The following KCNA10 variants were observed in gnomAD, a reference collection of about 807,000 sequenced individuals.
KCNA10 encodes the protein cyclic GMP gated potassium channel.
Under a neutral mutation model 21.4 loss-of-function variants are expected in KCNA10, and 16 were observed. The observed-to-expected ratio is 0.75, with a 90% confidence interval of 0.51 to 1.14. The LOEUF (loss-of-function observed/expected upper bound fraction) is 1.14. KCNA10 is among the 50% of genes most tolerant of loss of function. The pLI is 0.00. For synonymous variants in KCNA10, 276 were observed against 245.9 expected, an observed-to-expected ratio of 1.12 and a Z score of -1.15; for missense variants, 677 against 649.1, an observed-to-expected ratio of 1.04 and a Z score of -0.47.
rs1365250697 is a variant in KCNA10 at position 110,518,457 on chromosome 1, G to A, written c.331C>T (p.Leu111Phe). Residue 111 changes from leucine to phenylalanine, a missense_variant, in exon 1 of 1, where the codon CTC (leucine) becomes TTC (phenylalanine). By Grantham distance (22) the Leu-to-Phe change is conservative. Coordinates refer to ENST00000369771, the MANE Select transcript of KCNA10 (RefSeq NM_005549.2). ...ATCCTTTTTTCCCGGTCTCCCAGGA[G>A]AGTCTCTGGGAACTGACTAAGGGTT... ...LRTLSQFPET[L>F]LGDREKRMQF... The A allele has an allele frequency of 6.2e-7, 1 of 1,614,052 alleles. No homozygotes were observed. Among genetic ancestry groups the A allele is most frequent in the Non-Finnish European group, 8.5e-7 (1 of 1,180,012 alleles).
rs749970355 is a variant in KCNA10, at chr1:110,518,184, A to G, written c.604T>C (p.Phe202Leu). ...LLPTNDIHRQ[F>L]WLLFEYPESS... ...TCAGGGTACTCAAAGAGGAGCCAGA[A>G]CTGACGGTGGATGTCATTGGTGGGT... Residue 202 changes from phenylalanine to leucine, a missense_variant, in exon 1 of 1, where the codon TTC becomes CTC. By Grantham distance (22) the Phe-to-Leu change is conservative (BLOSUM62 0). Transcript: ENST00000369771. The G allele has an allele frequency of 1.2e-6, 2 of 1,613,704 alleles. No homozygotes were observed. The highest frequency in any genetic ancestry group is 3.3e-5 in the Admixed American group (2 of 59,984).
chr1:110,517,968 C>T lies in KCNA10; in HGVS notation c.820G>A (p.Val274Met). The change falls in exon 1 of 1, where the codon GTG becomes ATG. Residue 274 changes from valine to methionine, a missense_variant. By Grantham distance (21) the Val-to-Met change is conservative. Transcript: ENST00000369771. ...QTMFTDPFFM[V>M]ESTCIVWFTF... The stretch of plus-strand genomic sequence containing the variant: ...AACCACACGATGCAGGTAGACTCCA[C>T]CATGAAGAAAGGGTCGGTGAACATG... 5.6e-6 allele frequency: 9 copies of T among 1,613,800 alleles called. No homozygotes were observed. Among genetic ancestry groups the T allele is most frequent in the Non-Finnish European group, 7.6e-6 (9 of 1,179,992 alleles).
Position 110,518,249 on chromosome 1 carries a change from C to G in KCNA10, c.539G>C (p.Arg180Pro), listed in dbSNP as rs369629264. 7.4e-6 allele frequency: 12 copies of G among 1,613,992 alleles called. No individual in the cohort carries two copies. The highest frequency in any genetic ancestry group is 9.3e-6 in the Non-Finnish European group (11 of 1,180,030). ...GTCTTTGATGAAGCCTTCATCCTCC[C>G]GGAACTGGTCCATGGCCTCACTACC... ...ELGSEAMDQF[R>P]EDEGFIKDPE... The change falls in exon 1 of 1, where the codon CGG becomes CCG. Residue 180 changes from arginine to proline, a missense_variant. Arg to Pro is a moderately radical substitution (Grantham distance 103). Coordinates refer to ENST00000369771, the MANE Select transcript of KCNA10 (RefSeq NM_005549.2).
In KCNA10 at chr1:110,518,101, G is replaced by A. The variant is rs1403970904; in HGVS notation, c.687C>T (p.Ser229=). 1.9e-6 allele frequency: 3 copies of A among 1,613,716 alleles called. No individual in the cohort carries two copies. The Admixed American group carries it at 5.0e-5, about 27-fold the overall frequency. Residue 229 remains serine (S), a synonymous_variant, in exon 1 of 1, where the codon TCC becomes TCT. Transcript: ENST00000369771. The part of the protein sequence containing the change: ...AVVSVLVVVI[S]ITIFCLETLP... Reference sequence around the variant, plus strand: ...GTGTCTCCAGGCAGAAGATGGTGATGGAGATGACCACAACCAACACCGAGA... The same window carrying A: ...GTGTCTCCAGGCAGAAGATGGTGATAGAGATGACCACAACCAACACCGAGA...
At position 110,517,363 on chromosome 1, in the gene KCNA10, G is replaced by A. The variant is rs1647238117; in HGVS notation, c.1425C>T (p.Asn475=). The A allele has an allele frequency of 6.2e-7, 1 of 1,614,168 alleles. No individual in the cohort carries two copies. Among genetic ancestry groups the A allele is most frequent in the African/African-American group, 1.3e-5 (1 of 75,046 alleles). Residue 475 remains asparagine, a synonymous_variant, in exon 1 of 1, where the codon AAC becomes AAT. Transcript: ENST00000369771. The part of the protein sequence containing the change: ...HRETENEEKQ[N]IPGEIERILN... ...GGATTCTTTCAATTTCTCCTGGGAT[G>A]TTCTGCTTTTCTTCATTCTCAGTCT...
chr1:110,517,343 C>T lies in KCNA10; in HGVS notation c.1445G>A (p.Arg482Lys), dbSNP rs1283736764. 3.7e-6 allele frequency: 6 copies of T among 1,614,060 alleles called. No homozygotes were observed. Among genetic ancestry groups the T allele is most frequent in the African/African-American group, 2.7e-5 (2 of 74,902 alleles). ...EKQNIPGEIE[R>K]ILNSVGSRMG... ...TCTTGAGCCTACACTGTTGAGGATT[C>T]TTTCAATTTCTCCTGGGATGTTCTG... Residue 482 changes from arginine to lysine, a missense_variant, in exon 1 of 1, where the codon AGA becomes AAA. Arg to Lys is a conservative substitution (Grantham distance 26). Transcript: ENST00000369771.
rs776484202 is a variant in KCNA10 at position 110,517,937 on chromosome 1, A to C, written c.851T>G (p.Phe284Cys). The C allele has an allele frequency of 5.6e-6, 9 of 1,613,794 alleles. No individual in the cohort carries two copies. The South Asian group carries it at 6.6e-5, about 12-fold the overall frequency. ...GACCACGAACCGGAGCACCAGCTCG[A>C]AGGTGAACCACACGATGCAGGTAGA... Reference protein sequence around the residue: ...VESTCIVWFTFELVLRFVVCP... With the variant: ...VESTCIVWFTCELVLRFVVCP... Residue 284 changes from phenylalanine (F) to cysteine (C), a missense_variant, in exon 1 of 1, where the codon TTC becomes TGC. Physicochemically the swap from Phe to Cys is radical, Grantham distance 205 (BLOSUM62 -2). Transcript: ENST00000369771.
chr1:110,518,457 G>C lies in KCNA10; in HGVS notation c.331C>G (p.Leu111Val), dbSNP rs1365250697. Reference protein sequence around the residue: ...LRTLSQFPETLLGDREKRMQF... With the variant: ...LRTLSQFPETVLGDREKRMQF... ...ATCCTTTTTTCCCGGTCTCCCAGGA[G>C]AGTCTCTGGGAACTGACTAAGGGTT... Residue 111 changes from leucine (L) to valine (V), a missense_variant, in exon 1 of 1, where the codon CTC (leucine) becomes GTC (valine). Physicochemically the swap from Leu to Val is conservative, Grantham distance 32. Coordinates refer to ENST00000369771, the MANE Select transcript of KCNA10 (RefSeq NM_005549.2). 4.3e-6 allele frequency: 7 copies of C among 1,614,052 alleles called. No homozygotes were observed. The highest frequency in any genetic ancestry group is 5.1e-6 in the Non-Finnish European group (6 of 1,180,012).
At position 110,517,289 on chromosome 1, in the gene KCNA10, G is replaced by C; in HGVS notation, c.1499C>G (p.Thr500Ser). 6.2e-7 allele frequency: 1 copy of C among 1,614,114 alleles called. No individual in the cohort carries two copies. Among genetic ancestry groups the C allele is most frequent in the East Asian group, 2.2e-5 (1 of 44,886 alleles). Residue 500 changes from threonine to serine, a missense_variant, in exon 1 of 1, where the codon ACC (threonine) becomes AGC (serine). By Grantham distance (58) the Thr-to-Ser change is moderately conservative. Coordinates refer to ENST00000369771, the MANE Select transcript of KCNA10 (RefSeq NM_005549.2). ...CTTCTCTGTGGAACAGCCACCATTG[G>C]TCTTATTAAGAGAGTCTGTGCTGCC... The part of the protein sequence containing the change: ...RMGSTDSLNK[T>S]NGGCSTEKSR...
At position 110,517,447 on chromosome 1, in the gene KCNA10, G is replaced by T. The variant is rs946428983; in HGVS notation, c.1341C>A (p.Leu447=). Reference sequence around the variant, plus strand: ...TGACAGGCACAGGGAGGGCAATGGTGAGGACCCCTGCAATGGCACACAGAG... The same window carrying T: ...TGACAGGCACAGGGAGGGCAATGGTTAGGACCCCTGCAATGGCACACAGAG... ...VGTLCAIAGV[L]TIALPVPVIV... The change falls in exon 1 of 1, where the codon CTC becomes CTA. Residue 447 remains leucine (L), a synonymous_variant. Transcript: ENST00000369771. The T allele has an allele frequency of 6.2e-7, 1 of 1,614,088 alleles. No individual in the cohort carries two copies. Among genetic ancestry groups the T allele is most frequent in the African/African-American group, 1.3e-5 (1 of 74,940 alleles).
At position 110,518,440 on chromosome 1, in the gene KCNA10, T is replaced by C. The variant is rs1281174; in HGVS notation, c.348A>G (p.Glu116=). ...TGGAGTCAAAGAACTGCATCCTTTT[T>C]TCCCGGTCTCCCAGGAGAGTCTCTG... is the stretch of plus-strand genomic sequence containing the variant. ...QFPETLLGDR[E]KRMQFFDSMR... is the part of the protein sequence containing the mutation. The change falls in exon 1 of 1, where the codon GAA becomes GAG. Residue 116 remains glutamate, a synonymous_variant. Transcript: ENST00000369771. The C allele has an allele frequency of 0.72, 1,160,645 of 1,613,934 alleles. 420,113 individuals are homozygous for C. The highest frequency in any genetic ancestry group is 0.8 in the Admixed American group (48,034 of 60,024).
rs565410074 is a variant in KCNA10, at chr1:110,518,908, T to C, written c.-121A>G. On this transcript the variant is annotated 5_prime_UTR_variant, in exon 1 of 1. Transcript: ENST00000369771. ...CAGAATACAACTGGCCCTTGTTTAT[T>C]GAGGTAAGGTACACCAATGGGCTAA... 1 of 814,542 alleles carries C rather than the reference T, an allele frequency of 1.2e-6. No homozygotes were observed. Among genetic ancestry groups the C allele is most frequent in the African/African-American group, 1.7e-5 (1 of 57,796 alleles). The allele number at this position is 814,542 out of a possible 1,614,324, so 50.5% of individuals were successfully genotyped here.
rs746907973 is a variant in KCNA10, at chr1:110,518,017, C to A, written c.771G>T (p.Met257Ile). ...LKVVRDPNLN[M>I]SKTVLSQTMF... ...TGGTCTGGGAGAGGACTGTCTTGCT[C>A]ATGTTGAGATTGGGGTCTCTGACCA... Residue 257 changes from methionine to isoleucine, a missense_variant, in exon 1 of 1, where the codon ATG becomes ATT. Met to Ile is a conservative substitution (Grantham distance 10). Coordinates refer to ENST00000369771, the MANE Select transcript of KCNA10 (RefSeq NM_005549.2). 6.2e-7 allele frequency: 1 copy of A among 1,613,946 alleles called. No homozygotes were observed.
chr1:110,517,577 T>A lies in KCNA10; in HGVS notation c.1211A>T (p.His404Leu), dbSNP rs369495134. 1.2e-6 allele frequency: 2 copies of A among 1,613,948 alleles called. No individual in the cohort carries two copies. Among genetic ancestry groups the A allele is most frequent in the Non-Finnish European group, 1.7e-6 (2 of 1,180,012 alleles). ...YFAEVDEPES[H>L]FSSIPDGFWW... ...GAAGCCATCAGGAATGCTAGAGAAA[T>A]GGGACTCTGGCTCATCCACCTCAGC... The change falls in exon 1 of 1, where the codon CAT becomes CTT. Residue 404 changes from histidine (H) to leucine (L), a missense_variant. Physicochemically the swap from His to Leu is moderately conservative, Grantham distance 99 (BLOSUM62 -3). Transcript: ENST00000369771.
At position 110,519,011 on chromosome 1, in the gene KCNA10, C is replaced by A; in HGVS notation, c.-224G>T. ...TGCTTCCCTTAAAATCATTTTGTAC[C>A]CCTGAGTTTGCATAAACTAATAACT... On this transcript the variant is annotated 5_prime_UTR_variant, in exon 1 of 1. Transcript: ENST00000369771. 2 of 433,610 alleles carry A rather than the reference C, an allele frequency of 4.6e-6. No individual in the cohort carries two copies. The highest frequency in any genetic ancestry group is 8.5e-6 in the Non-Finnish European group (2 of 236,678). The allele number at this position is 433,610 out of a possible 1,614,324, so 26.9% of individuals were successfully genotyped here.
rs1371853909 is a variant in KCNA10 at position 110,517,747 on chromosome 1, C to A, written c.1041G>T (p.Arg347Ser). Reference sequence around the variant, plus strand: ...GCGAGAGCTTGAAGATGCGGAAGACCCTCACCAGGCGGATGATCCTCAGGA... The same window carrying A: ...GCGAGAGCTTGAAGATGCGGAAGACACTCACCAGGCGGATGATCCTCAGGA... ...LAILRIIRLV[R>S]VFRIFKLSRH... The change falls in exon 1 of 1, where the codon AGG becomes AGT. Residue 347 changes from arginine (R) to serine (S), a missense_variant. Coordinates refer to ENST00000369771, the MANE Select transcript of KCNA10 (RefSeq NM_005549.2). The A allele has an allele frequency of 6.2e-7, 1 of 1,614,036 alleles. No homozygotes were observed. The highest frequency in any genetic ancestry group is 8.5e-7 in the Non-Finnish European group (1 of 1,180,048).
At position 110,518,059 on chromosome 1, in the gene KCNA10, C is replaced by T; in HGVS notation, c.729G>A (p.Glu243=). 6.2e-7 allele frequency: 1 copy of T among 1,613,850 alleles called. No homozygotes were observed. Among genetic ancestry groups the T allele is most frequent in the Non-Finnish European group, 8.5e-7 (1 of 1,179,956 alleles). Residue 243 remains glutamate, a synonymous_variant, in exon 1 of 1, where the codon GAG becomes GAA. Transcript: ENST00000369771. ...FCLETLPEFR[E]DRELKVVRDP... ...CTCTGACCACCTTTAGCTCCCTATC[C>T]TCCCGGAACTCTGGCAGTGTCTCCA...
rs770640980 is a variant in KCNA10, at chr1:110,518,774, C to G, written c.14G>C (p.Gly5Ala). 1.3e-6 allele frequency: 2 copies of G among 1,569,810 alleles called. No individual in the cohort carries two copies. The highest frequency in any genetic ancestry group is 2.4e-5 in the South Asian group (2 of 84,998). The change falls in exon 1 of 1, where the codon GGC (glycine) becomes GCC (alanine). Residue 5 changes from glycine to alanine, a missense_variant. By Grantham distance (60) the Gly-to-Ala change is moderately conservative. Transcript: ENST00000369771. ...CAGCGCAACCTCCATTTCTTTCCAG[C>G]CACACACATCCATTCTAGGGGAGCC... MDVCGWKEMEVALVN... is the reference protein window; with the variant it reads MDVCAWKEMEVALVN...
At position 110,519,001 on chromosome 1, in the gene KCNA10, C is replaced by T. The variant is rs1328496687; in HGVS notation, c.-214G>A. 4 of 447,468 alleles carry T rather than the reference C, an allele frequency of 8.9e-6. No individual in the cohort carries two copies. In the South Asian group the frequency reaches 2.2e-4, roughly 24 times the overall value. The allele number at this position is 447,468 out of a possible 1,614,324, so 27.7% of individuals were successfully genotyped here. A position where few individuals can be genotyped will look rare whatever the true frequency, so the allele number is the denominator to read the frequency against. On this transcript the variant is annotated 5_prime_UTR_variant, in exon 1 of 1. An upstream start codon of the reference 5' UTR is lost. Transcript: ENST00000369771. ...TTTGGCAGCATGCTTCCCTTAAAAT[C>T]ATTTTGTACCCCTGAGTTTGCATAA...
Sources: allele counts gnomAD v4.1 joint callset, GRCh38; gene constraint gnomAD v4.1.1; transcripts MANE v1.5; gene names NCBI Gene and HGNC (gene_info 2026-07-23, HGNC 2026-07-21).